KDM4B: variants seen among roughly 807,000 people sequenced by gnomAD.
KDM4B encodes the protein lysine demethylase 4B.
A neutral mutation model predicts 125.2 loss-of-function variants in KDM4B; 32 were observed. That is an observed-to-expected ratio of 0.26 (90% CI 0.19 to 0.34). The LOEUF (loss-of-function observed/expected upper bound fraction) is 0.34, where lower values mean the gene tolerates loss of function less well. Ranked by LOEUF, KDM4B falls within the 10% of genes least tolerant of loss-of-function variation. The pLI, the probability that KDM4B is intolerant of heterozygous loss-of-function variation, is 1.00. For missense variants in KDM4B, 1,190 were observed against 1,577.7 expected (o/e 0.75, Z 4.16); for synonymous variants, 721 against 677.9 (o/e 1.06, Z -0.99).
In KDM4B at chr19:5,136,714, C is replaced by T. The variant is rs543553711; in HGVS notation, c.2309-548C>T. ...GCCCCCAGCCTCTTCAGTGGGCCAT[C>T]AGCACTGGCAGAGAGCCCCTTCCAC... On this transcript the variant is annotated intron_variant, in intron 15 of 22. Transcript: ENST00000159111. Among the ~76,000 whole-genome samples the T allele has an allele frequency of 1.1e-4, 17 of 152,288 alleles. No individual in the cohort carries two copies. The South Asian group carries it at 3.5e-3, about 32-fold the overall frequency.
intron 2 of KDM4B, among the ~76,000 whole-genome samples, chr19:5,029,888 G>A (rs945415494): frequency 6.6e-6 from 1 of 152,230 alleles, no homozygotes; most frequent in African/African-American, 2.4e-5. Flanking sequence ...GGTGGGTGAA[G>A]TGCCTGAGTC....
At chr19:5,065,726 G>C (rs116250457) in intron 6 of KDM4B, among the ~76,000 whole-genome samples, 1 of 152,184 alleles carries the variant, frequency 6.6e-6, no homozygotes, top group South Asian at 2.1e-4. Flanking sequence ...CCCTGGTTCC[G>C]GCTCCAGCTC....
intron 6 of KDM4B, among the ~76,000 whole-genome samples, 200 bp downstream of exon 6, chr19:5,047,869 C>T (rs542258742): frequency 1.3e-5 from 2 of 152,292 alleles, no homozygotes; most frequent in East Asian, 1.9e-4. Context: ...CCCCCAGAGC[C>T]GAAGCTCCCA....
intron 11 of KDM4B, among the ~76,000 whole-genome samples, chr19:5,125,928 G>A (rs939216004): frequency 1.3e-5 from 2 of 152,210 alleles, no homozygotes; most frequent in Admixed American, 6.5e-5. Context: ...GGTTTATCTC[G>A]AGAGAGCCTC....
At chr19:5,116,235 T>TAAAA (rs35940660) in intron 10 of KDM4B, among the ~76,000 whole-genome samples, 47 of 40,376 alleles carry the variant, frequency 1.2e-3, no homozygotes, top group African/African-American at 2.5e-3. Flanking sequence ...ACCACATCTC[T>TAAAA]AAAAAAAAAA....
chr19:5,015,664 C>T (rs1382995015), intron 1 of KDM4B, among the ~76,000 whole-genome samples: 1 of 152,118 alleles, frequency 6.6e-6, no homozygotes, highest in African/African-American at 2.4e-5. Flanking sequence ...AGCCTGGACG[C>T]TATAGTGAGA....
At chr19:5,048,784 G>A (rs994483434) in intron 6 of KDM4B, among the ~76,000 whole-genome samples, 3 of 152,254 alleles carry the variant, frequency 2.0e-5, no homozygotes, top group African/African-American at 7.2e-5. Context: ...CGTGGGCAGC[G>A]GGACGCCCAT....
rs182939611 is a variant in KDM4B at position 5,115,081 on chromosome 19, G to T, written c.1115+4263G>T. 6.6e-6 allele frequency among the ~76,000 whole-genome samples: 1 copy of T among 152,204 alleles called. No homozygotes were observed. The highest frequency in any genetic ancestry group is 2.4e-5 in the African/African-American group (1 of 41,456). Reference sequence around the variant, plus strand: ...TGAGCACGTCTCCAGGCTTTGAAAAGCAGGGAAGGGTGGGCAGGAGACCCC... The same window carrying T: ...TGAGCACGTCTCCAGGCTTTGAAAATCAGGGAAGGGTGGGCAGGAGACCCC... On this transcript the variant is annotated intron_variant, in intron 10 of 22. Coordinates refer to ENST00000159111, the MANE Select transcript of KDM4B (RefSeq NM_015015.3). This position sits in a 1 kb window ranked among gnomAD's most constrained non-coding sequence, Gnocchi z 4.2.
chr19:4,993,062 G>A (rs1418378834), intron 1 of KDM4B, among the ~76,000 whole-genome samples: 1 of 152,116 alleles, frequency 6.6e-6, no homozygotes, highest in African/African-American at 2.4e-5. Context: ...GGCTTATAGT[G>A]CTCAAGTCTC....
At chr19:5,023,481 C>T (rs2036185441) in intron 2 of KDM4B, among the ~76,000 whole-genome samples, 1 of 152,200 alleles carries the variant, frequency 6.6e-6, no homozygotes, top group African/African-American at 2.4e-5. Context: ...CGGGTTCCTC[C>T]TGGGCCTTCT....
chr19:5,151,713 G>C lies in KDM4B; in HGVS notation c.*202G>C, dbSNP rs1029906967. 1.3e-4 allele frequency: 52 copies of C among 410,548 alleles called. No individual in the cohort carries two copies. Among genetic ancestry groups the C allele is most frequent in the Non-Finnish European group, 1.5e-4 (35 of 237,982 alleles). 25.4% of individuals were successfully genotyped at this position (410,548 alleles called of 1,614,324 possible). ...CAGGGAGCAGGGCCAGGCGGGCTCGGGGGCCGGCCAGGGGAGCACCCCACT... is the reference window on the plus strand; with the variant it reads ...CAGGGAGCAGGGCCAGGCGGGCTCGCGGGCCGGCCAGGGGAGCACCCCACT... On this transcript the variant is annotated 3_prime_UTR_variant, in exon 23 of 23. Coordinates refer to ENST00000159111, the MANE Select transcript of KDM4B (RefSeq NM_015015.3).
chr19:5,087,155 C>T (rs893248141), intron 9 of KDM4B, among the ~76,000 whole-genome samples: 6 of 152,262 alleles, frequency 3.9e-5, no homozygotes, highest in African/African-American at 9.6e-5. Flanking sequence ...ATTCACTCCC[C>T]ATCAGCAGAA....
chr19:5,017,220 C>T (rs905657292), intron 2 of KDM4B, among the ~76,000 whole-genome samples: 29 of 152,264 alleles, frequency 1.9e-4, no homozygotes, highest in African/African-American at 6.7e-4. Flanking sequence ...ACGATTAGGA[C>T]CTTGAGGAGG....
chr19:4,980,667 A>G (rs2034606330), intron 1 of KDM4B, among the ~76,000 whole-genome samples: 1 of 151,968 alleles, frequency 6.6e-6, no homozygotes, highest in Non-Finnish European at 1.5e-5. Context: ...GCCTCAAGTC[A>G]TCTGCCTGCC....
intron 7 of KDM4B, among the ~76,000 whole-genome samples, chr19:5,071,464 A>G (rs1020381846): frequency 6.6e-6 from 1 of 152,260 alleles, no homozygotes; most frequent in Non-Finnish European, 1.5e-5. Context: ...TTCAGCCAGC[A>G]GTCCGCTTAC....
intron 3 of KDM4B, among the ~76,000 whole-genome samples, chr19:5,034,313 C>T (rs1399999257): frequency 6.6e-6 from 1 of 152,172 alleles, no homozygotes; most frequent in African/African-American, 2.4e-5. Flanking sequence ...GTTTGACTAT[C>T]GCTGTTCTTC....
Position 5,070,999 on chromosome 19 carries a change from T to C in KDM4B, c.627-11T>C, listed in dbSNP as rs753279531. 37 of 1,613,402 alleles carry C rather than the reference T, an allele frequency of 2.3e-5. No individual in the cohort carries two copies. Among genetic ancestry groups the C allele is most frequent in the Non-Finnish European group, 3.1e-5 (37 of 1,179,932 alleles). On this transcript the variant is annotated splice_polypyrimidine_tract_variant and intron_variant, in intron 6 of 22. Coordinates refer to ENST00000159111, the MANE Select transcript of KDM4B (RefSeq NM_015015.3). The stretch of plus-strand genomic sequence containing the variant: ...CGATCTTGCCTCTGACGTGCCTCCC[T>C]TCTCTCGCAGGTACGCCATCCCACC...
rs1281384676 is a variant in KDM4B, at chr19:5,152,689, C to T, written c.*1178C>T. On this transcript the variant is annotated 3_prime_UTR_variant, in exon 23 of 23. Coordinates refer to ENST00000159111, the MANE Select transcript of KDM4B (RefSeq NM_015015.3). ...TGATAGAGAAAAAACGGCCTTCAGC[C>T]CAGGCTGGGAAGCGCCTTCTCCAGG... 1 of 152,326 alleles carries T rather than the reference C, an allele frequency of 6.6e-6. No homozygotes were observed. Among genetic ancestry groups the T allele is most frequent in the African/African-American group, 2.4e-5 (1 of 41,476 alleles). 9.4% of individuals were successfully genotyped at this position (152,326 alleles called of 1,614,324 possible).
intron 2 of KDM4B, among the ~76,000 whole-genome samples, chr19:5,021,680 G>C (rs970491780): frequency 7.1e-6 from 1 of 139,890 alleles, no homozygotes; most frequent in East Asian, 2.0e-4. Context: ...TCTGTTGCCA[G>C]ACTGGAGTGC....
Sources: allele counts gnomAD v4.1 joint callset (sites outside exome capture counted in the v4.1 genomes callset), GRCh38; gene constraint gnomAD v4.1.1; non-coding constraint Gnocchi (gnomAD v3.1); transcripts MANE v1.5; gene names NCBI Gene and HGNC (gene_info 2026-07-23, HGNC 2026-07-21).